The following VMA21 variants were observed in gnomAD, a reference collection of about 807,000 sequenced individuals.
The protein encoded by VMA21 is vacuolar ATPase assembly integral membrane protein VMA21.
For missense variants in VMA21, 61 were observed against 80.6 expected (o/e 0.76, Z 0.93); for synonymous variants, 47 against 34.1 (o/e 1.38, Z -1.32).
chrX:151,398,180 A>AG (rs1240463891), intron 1 of VMA21, among the ~76,000 whole-genome samples: 1 of 81,655 alleles, frequency 1.2e-5, no homozygotes, highest in African/African-American at 7.5e-5. Context: ...GGTCATTGTG[A>AG]GTTTTTTTTT....
In VMA21 at chrX:151,407,421, AT is replaced by A. The variant is rs1215340618; in HGVS notation, c.*2366del. On this transcript the variant is annotated 3_prime_UTR_variant, in exon 3 of 3. Coordinates refer to ENST00000330374, the MANE Select transcript of VMA21 (RefSeq NM_001017980.4). The stretch of plus-strand genomic sequence containing the variant: ...ATAACATATGGTATTTGGCAAATAG[AT>A]TTATTTTTCAAAATGTCTCACTAGT... 5 of 112,864 alleles carry A rather than the reference AT, an allele frequency of 4.4e-5. No homozygotes were observed. Among genetic ancestry groups the A allele is most frequent in the African/African-American group, 1.3e-4 (4 of 30,985 alleles). 9.3% of individuals were successfully genotyped at this position (112,864 alleles called of 1,213,427 possible). A position where few individuals can be genotyped will look rare whatever the true frequency, so the allele number is the denominator to read the frequency against.
rs757726449 is a variant in VMA21, at chrX:151,404,974, C to T, written c.222C>T (p.Val74=). Reference sequence around the variant, plus strand: ...TTTACGCTGCTATTGTTGCAGTGGTCGCCGTCCATGTGGTGCTGGCCCTCT... The same window carrying T: ...TTTACGCTGCTATTGTTGCAGTGGTTGCCGTCCATGTGGTGCTGGCCCTCT... ...SYFYAAIVAV[V]AVHVVLALFV... The change falls in exon 3 of 3, where the codon GTC becomes GTT. Residue 74 remains valine, a synonymous_variant. Transcript: ENST00000330374. 5 of 1,207,633 alleles carry T rather than the reference C, an allele frequency of 4.1e-6. No homozygotes were observed. Among genetic ancestry groups the T allele is most frequent in the Non-Finnish European group, 5.6e-6 (5 of 894,641 alleles).
At chrX:151,403,525 C>T in intron 1 of VMA21, 106 bp from the exon 2 acceptor site, 1 of 622,962 alleles carries the variant, frequency 1.6e-6, no homozygotes, top group Non-Finnish European at 2.7e-6. Context: ...TGTGATCTTC[C>T]TCCTGCATAG....
At position 151,397,213 on chromosome X, in the gene VMA21, G is replaced by C. The variant is rs1321890642; in HGVS notation, c.-96G>C. 9.9e-7 allele frequency: 1 copy of C among 1,011,907 alleles called. No individual in the cohort carries two copies. Among genetic ancestry groups the C allele is most frequent in the African/African-American group, 1.9e-5 (1 of 51,618 alleles). 83.4% of individuals were successfully genotyped at this position (1,011,907 alleles called of 1,213,427 possible). A position where few individuals can be genotyped will look rare whatever the true frequency, so the allele number is the denominator to read the frequency against. On this transcript the variant is annotated 5_prime_UTR_variant, in exon 1 of 3. Transcript: ENST00000330374. Reference sequence around the variant, plus strand: ...CTTCCGGCGCGAACCGCTACTTCCGGTGCGAACCGCCTCGGCCGTTCCCTC... The same window carrying C: ...CTTCCGGCGCGAACCGCTACTTCCGCTGCGAACCGCCTCGGCCGTTCCCTC...
intron 1 of VMA21, among the ~76,000 whole-genome samples, chrX:151,399,179 C>A (rs1430493146): frequency 8.9e-6 from 1 of 111,975 alleles, no homozygotes; most frequent in Non-Finnish European, 1.9e-5. Flanking sequence ...AAAGTAGTCA[C>A]ATTTTTGAAG....
intron 1 of VMA21, 46 bp from the exon 2 acceptor site, chrX:151,403,585 T>A: frequency 1.0e-6 from 1 of 955,874 alleles, no homozygotes; most frequent in Non-Finnish European, 1.5e-6. Flanking sequence ...AGCGTTTGGA[T>A]ATGACTGTGC....
intron 1 of VMA21, 88 bp downstream of exon 1, chrX:151,397,449 C>A: frequency 9.7e-7 from 1 of 1,033,456 alleles, no homozygotes; most frequent in Non-Finnish European, 1.3e-6. Context: ...AATGGGTGGG[C>A]GTGAGGTCTG....
In VMA21 at chrX:151,404,853, T is replaced by G. The variant is rs1035902699; in HGVS notation, c.164-63T>G. ...ATCATAAAAATTAGGATGCTTTGTT[T>G]TTTTTTTTTGTACTTTGGTAAATTT... On this transcript the variant is annotated intron_variant, in intron 2 of 2. Coordinates refer to ENST00000330374, the MANE Select transcript of VMA21 (RefSeq NM_001017980.4). 1.0e-5 allele frequency: 12 copies of G among 1,154,842 alleles called. No individual in the cohort carries two copies. The African/African-American group carries it at 2.0e-4, about 19-fold the overall frequency.
Position 151,408,383 on chromosome X carries a change from A to G in VMA21, c.*3325A>G, listed in dbSNP as rs955195491. The G allele has an allele frequency of 8.9e-6, 1 of 112,385 alleles. No homozygotes were observed. Among genetic ancestry groups the G allele is most frequent in the African/African-American group, 3.2e-5 (1 of 30,934 alleles). 9.3% of individuals were successfully genotyped at this position (112,385 alleles called of 1,213,427 possible). ...AGAAAGATGAAACCCGAAAGTACAT[A>G]AAAAGGATTTAAATCCGATTTTAGA... On this transcript the variant is annotated 3_prime_UTR_variant, in exon 3 of 3. Transcript: ENST00000330374.
rs1356294188 is a variant in VMA21 at position 151,407,335 on chromosome X, G to GT, written c.*2283dup. The GT allele has an allele frequency of 8.8e-6, 1 of 113,035 alleles. No homozygotes were observed. The highest frequency in any genetic ancestry group is 3.2e-5 in the African/African-American group (1 of 31,065). The allele number at this position is 113,035 out of a possible 1,213,427, so 9.3% of individuals were successfully genotyped here. ...ACAAAATAGGCTTGTTTTCAAAGCA[G>GT]TTTTTTCCTAGAGTTTTAACTGTTA... On this transcript the variant is annotated 3_prime_UTR_variant, in exon 3 of 3. Coordinates refer to ENST00000330374, the MANE Select transcript of VMA21 (RefSeq NM_001017980.4).
In VMA21 at chrX:151,408,841, T is replaced by G. The variant is rs1424130495; in HGVS notation, c.*3783T>G. 8.9e-6 allele frequency: 1 copy of G among 112,851 alleles called. No homozygotes were observed. Among genetic ancestry groups the G allele is most frequent in the Non-Finnish European group, 1.9e-5 (1 of 53,356 alleles). The allele number at this position is 112,851 out of a possible 1,213,427, so 9.3% of individuals were successfully genotyped here. ...CCTGGCCACACTTTCCTTGCCTGTG[T>G]TGTTGCTATGTGTATTTGAAAGTAA... is the stretch of plus-strand genomic sequence containing the variant. On this transcript the variant is annotated 3_prime_UTR_variant, in exon 3 of 3. Coordinates refer to ENST00000330374, the MANE Select transcript of VMA21 (RefSeq NM_001017980.4).
chrX:151,402,256 A>G (rs2011242856), intron 1 of VMA21, among the ~76,000 whole-genome samples: 1 of 112,037 alleles, frequency 8.9e-6, no homozygotes, highest in Non-Finnish European at 1.9e-5. Context: ...ATTTTGGCTC[A>G]TTGCAACCTC....
In VMA21 at chrX:151,397,435, G is replaced by A. The variant is rs1177128531; in HGVS notation, c.53+74G>A. On this transcript the variant is annotated intron_variant, in intron 1 of 2. Transcript: ENST00000330374. ...GAGCAGGGCTTGAGGGAAGGCCCTAGCTGAATGGGTGGGCGTGAGGTCTGG... is the reference window on the plus strand; with the variant it reads ...GAGCAGGGCTTGAGGGAAGGCCCTAACTGAATGGGTGGGCGTGAGGTCTGG... 1.2e-5 allele frequency: 13 copies of A among 1,089,687 alleles called. No individual in the cohort carries two copies. The African/African-American group carries it at 2.4e-4, about 20-fold the overall frequency. 89.8% of individuals were successfully genotyped at this position (1,089,687 alleles called of 1,213,427 possible).
At chrX:151,401,423 A>G (rs902629978) in intron 1 of VMA21, among the ~76,000 whole-genome samples, 2 of 112,202 alleles carry the variant, frequency 1.8e-5, no homozygotes, top group Non-Finnish European at 3.8e-5. Flanking sequence ...TTTGATTACT[A>G]TAACTGTAAT....
At chrX:151,404,632 G>A (rs2011268923) in intron 2 of VMA21, among the ~76,000 whole-genome samples, 1 of 108,715 alleles carries the variant, frequency 9.2e-6, no homozygotes, top group African/African-American at 3.4e-5. Context: ...GTGCTAGCCA[G>A]GATGGTTTCC....
At chrX:151,396,792 T>C (rs148883099), upstream of VMA21, 1,272 of 471,292 alleles carry the variant, frequency 2.7e-3, 21 homozygotes, top group East Asian at 0.04. Context: ...TACGCTCAGT[T>C]GCCTAGCACC....
At chrX:151,403,052 G>T (rs2011250375) in intron 1 of VMA21, among the ~76,000 whole-genome samples, 1 of 112,378 alleles carries the variant, frequency 8.9e-6, no homozygotes, top group African/African-American at 3.2e-5. Flanking sequence ...CTGGGCAAAA[G>T]CTCTGATTCC....
chrX:151,406,379 A>T lies in VMA21; in HGVS notation c.*1321A>T, dbSNP rs761720610. On this transcript the variant is annotated 3_prime_UTR_variant, in exon 3 of 3. Coordinates refer to ENST00000330374, the MANE Select transcript of VMA21 (RefSeq NM_001017980.4). ...TTTTCTTTTTCTTTTTCTTTATTTTATTTATTTATTTTTTTGAGACAGAGT... is the reference window on the plus strand; with the variant it reads ...TTTTCTTTTTCTTTTTCTTTATTTTTTTTATTTATTTTTTTGAGACAGAGT... The T allele has an allele frequency of 9.2e-6, 1 of 108,206 alleles. No individual in the cohort carries two copies. Among genetic ancestry groups the T allele is most frequent in the South Asian group, 4.0e-4 (1 of 2,527 alleles). The allele number at this position is 108,206 out of a possible 1,213,427, so 8.9% of individuals were successfully genotyped here. A position where few individuals can be genotyped will look rare whatever the true frequency, so the allele number is the denominator to read the frequency against.
rs956305438 is a variant in VMA21 at position 151,405,182 on chromosome X, A to G, written c.*124A>G. 9 of 829,509 alleles carry G rather than the reference A, an allele frequency of 1.1e-5. No individual in the cohort carries two copies. The highest frequency in any genetic ancestry group is 4.4e-4 in the Middle Eastern group (1 of 2,279). 68.4% of individuals were successfully genotyped at this position (829,509 alleles called of 1,213,427 possible). Reference sequence around the variant, plus strand: ...AGTCAGTCTTAAGGAGTCACGTTTGAGTATGTAAATTTTGATCTTTCTAAT... The same window carrying G: ...AGTCAGTCTTAAGGAGTCACGTTTGGGTATGTAAATTTTGATCTTTCTAAT... On this transcript the variant is annotated 3_prime_UTR_variant, in exon 3 of 3. Coordinates refer to ENST00000330374, the MANE Select transcript of VMA21 (RefSeq NM_001017980.4).
Sources: allele counts gnomAD v4.1 joint callset (sites outside exome capture counted in the v4.1 genomes callset), GRCh38; gene constraint gnomAD v4.1.1; transcripts MANE v1.5; gene names NCBI Gene and HGNC (gene_info 2026-07-23, HGNC 2026-07-21).